FAM117B: variants seen among roughly 807,000 people sequenced by gnomAD.
FAM117B encodes protein FAM117B.
A neutral mutation model predicts 52.8 loss-of-function variants in FAM117B; 22 were observed. The observed-to-expected ratio is 0.42, with a 90% CI of 0.30 to 0.59. FAM117B has a LOEUF of 0.59. Among genes scored for constraint, FAM117B ranks in the 20% least tolerant of loss-of-function variants. The pLI, the probability that FAM117B is intolerant of heterozygous loss-of-function variation, is 0.22. For missense variants in FAM117B, 678 were observed against 802.6 expected (o/e 0.84, Z 1.88); for synonymous variants, 309 against 324.1 (o/e 0.95, Z 0.50).
intron 4 of FAM117B, among the ~76,000 whole-genome samples, chr2:202,727,657 C>T (rs990692951): frequency 7.2e-5 from 11 of 152,050 alleles, no homozygotes; most frequent in African/African-American, 2.4e-4. Flanking sequence ...TCATAATGCA[C>T]TTACCATGCC....
chr2:202,647,432 AT>A (rs1473559879), intron 1 of FAM117B, among the ~76,000 whole-genome samples: 1 of 152,194 alleles, frequency 6.6e-6, no homozygotes, highest in African/African-American at 2.4e-5. Flanking sequence ...ACGTGTATAT[AT>A]ATTTTTTTCT....
chr2:202,638,360 C>G (rs1001759493), intron 1 of FAM117B, among the ~76,000 whole-genome samples: 4 of 152,174 alleles, frequency 2.6e-5, no homozygotes, highest in Non-Finnish European at 5.9e-5. Context: ...CTGTTTGACA[C>G]TCAGAGAAAC....
At chr2:202,696,113 G>A (rs2105776773) in intron 2 of FAM117B, 81 bp downstream of exon 2, 2 of 1,433,910 alleles carry the variant, frequency 1.4e-6, no homozygotes, top group Middle Eastern at 3.8e-4. Context: ...GCTTTGAGTA[G>A]AACAAACATT....
intron 1 of FAM117B, among the ~76,000 whole-genome samples, chr2:202,684,864 C>T (rs1690515501): frequency 6.6e-6 from 1 of 152,080 alleles, no homozygotes; most frequent in Non-Finnish European, 1.5e-5. Context: ...TCAGTATTTG[C>T]TAATTTATTG....
rs539187347 is a variant in FAM117B at position 202,640,295 on chromosome 2, AATATATATATATATATATATAT to A, written c.601+4534_601+4555del. Among the ~76,000 whole-genome samples, 345 of 51,320 alleles carry A rather than the reference AATATATATATATATATATATAT, an allele frequency of 6.7e-3. 8 individuals are homozygous for A. The highest frequency in any genetic ancestry group is 0.017 in the South Asian group (25 of 1,454). 33.7% of individuals were successfully genotyped at this position (51,320 alleles called of 152,430 possible). A position where few individuals can be genotyped will look rare whatever the true frequency, so the allele number is the denominator to read the frequency against. ...ACAACAACCACCACCACCACCACAAAATATATATATATATATATATATATATATATATATATATATATATATA... is the reference window on the plus strand; with the variant it reads ...ACAACAACCACCACCACCACCACAAAATATATATATATATATATATATATA... On this transcript the variant is annotated intron_variant, in intron 1 of 7. Transcript: ENST00000392238.
intron 2 of FAM117B, among the ~76,000 whole-genome samples, chr2:202,714,533 CTTTTTTT>C (rs1034689626): frequency 8.5e-6 from 1 of 117,658 alleles, no homozygotes; most frequent in African/African-American, 3.4e-5. Flanking sequence ...TTTTTTTTTT[CTTTTTTT>C]TTTTTTTTTT....
chr2:202,665,880 C>T lies in FAM117B; in HGVS notation c.602-30001C>T, dbSNP rs557031810. Among the ~76,000 whole-genome samples, 3 of 152,238 alleles carry T rather than the reference C, an allele frequency of 2.0e-5. No individual in the cohort carries two copies. The South Asian group carries it at 6.2e-4, about 32-fold the overall frequency. On this transcript the variant is annotated intron_variant, in intron 1 of 7. Coordinates refer to ENST00000392238, the MANE Select transcript of FAM117B (RefSeq NM_173511.4). ...CCTCCCAAAGTGCTGGGATTACAGG[C>T]GTGAGCCATGGAAACTGGCAGGACA...
rs757843381 is a variant in FAM117B at position 202,694,188 on chromosome 2, C to CTTTTTTTTTTT, written c.602-1682_602-1672dup. On this transcript the variant is annotated intron_variant, in intron 1 of 7. Coordinates refer to ENST00000392238, the MANE Select transcript of FAM117B (RefSeq NM_173511.4). The stretch of plus-strand genomic sequence containing the variant: ...GAAGATGTTATTGCAAAACCCACTT[C>CTTTTTTTTTTT]TTTTTTTTTTTTTTTTTTTTTGAGA... 1.4e-3 allele frequency among the ~76,000 whole-genome samples: 140 copies of CTTTTTTTTTTT among 99,054 alleles called. 7 individuals are homozygous for CTTTTTTTTTTT. Among genetic ancestry groups the CTTTTTTTTTTT allele is most frequent in the African/African-American group, 5.7e-3 (130 of 22,858 alleles). The allele number at this position is 99,054 out of a possible 152,430, so 65.0% of individuals were successfully genotyped here.
chr2:202,769,577 ACT>A lies in FAM117B; in HGVS notation c.*3816_*3817del, dbSNP rs1437487328. ...TTTTTGTCTCTGTGGAAGCTGTGTAACTCTTTTTAAAATGCAATTTAAAACAT... is the reference window on the plus strand; with the variant it reads ...TTTTTGTCTCTGTGGAAGCTGTGTAACTTTTTAAAATGCAATTTAAAACAT... On this transcript the variant is annotated 3_prime_UTR_variant, in exon 8 of 8. Transcript: ENST00000392238. The A allele has an allele frequency of 6.6e-6, 1 of 152,314 alleles. No individual in the cohort carries two copies. Among genetic ancestry groups the A allele is most frequent in the African/African-American group, 2.4e-5 (1 of 41,324 alleles). The allele number at this position is 152,314 out of a possible 1,614,324, so 9.4% of individuals were successfully genotyped here. A position where few individuals can be genotyped will look rare whatever the true frequency, so the allele number is the denominator to read the frequency against.
At chr2:202,662,306 G>T (rs1683286927) in intron 1 of FAM117B, among the ~76,000 whole-genome samples, 1 of 152,132 alleles carries the variant, frequency 6.6e-6, no homozygotes, top group Non-Finnish European at 1.5e-5. Context: ...AACACCACAT[G>T]ATCTCACTCA....
chr2:202,665,598 C>A (rs1004072918), intron 1 of FAM117B, among the ~76,000 whole-genome samples: 3 of 151,846 alleles, frequency 2.0e-5, no homozygotes, highest in Admixed American at 2.0e-4. Context: ...GACAGGAAAT[C>A]CTCTTTTTGT....
Position 202,769,344 on chromosome 2 carries a change from T to C in FAM117B, c.*3580T>C, listed in dbSNP as rs1692036460. The C allele has an allele frequency of 6.6e-6, 1 of 152,666 alleles. No homozygotes were observed. The highest frequency in any genetic ancestry group is 2.4e-5 in the African/African-American group (1 of 41,470). The allele number at this position is 152,666 out of a possible 1,614,324, so 9.5% of individuals were successfully genotyped here. A position where few individuals can be genotyped will look rare whatever the true frequency, so the allele number is the denominator to read the frequency against. ...CACTACTGCATTTACTTTACTATTGTAAACTTAAGATTCATTCCTTAGTCT... is the reference window on the plus strand; with the variant it reads ...CACTACTGCATTTACTTTACTATTGCAAACTTAAGATTCATTCCTTAGTCT... On this transcript the variant is annotated 3_prime_UTR_variant, in exon 8 of 8. Transcript: ENST00000392238.
rs1248581026 is a variant in FAM117B, at chr2:202,757,310, A to G, written c.1202A>G (p.Asp401Gly). 30 of 1,614,064 alleles carry G rather than the reference A, an allele frequency of 1.9e-5. No homozygotes were observed. Among genetic ancestry groups the G allele is most frequent in the Non-Finnish European group, 4.2e-6 (5 of 1,180,052 alleles). Residue 401 changes from aspartate (D) to glycine (G), a missense_variant, in exon 6 of 8, where the codon GAC (aspartate) becomes GGC (glycine). By Grantham distance (94) the Asp-to-Gly change is moderately conservative. Coordinates refer to ENST00000392238, the MANE Select transcript of FAM117B (RefSeq NM_173511.4). ...GACACACAGACGCCTGGTGGGGCAG[A>G]CAGGGGAAGCAACAACAGCAGCCGT... ...SIDTQTPGGA[D>G]RGSNNSSRSQ...
At chr2:202,758,819 G>A (rs1691840702) in intron 6 of FAM117B, among the ~76,000 whole-genome samples, 1 of 152,190 alleles carries the variant, frequency 6.6e-6, no homozygotes, top group African/African-American at 2.4e-5. Context: ...CTCACTACCT[G>A]GAGCAAAGAT....
chr2:202,684,071 T>C (rs1050101626), intron 1 of FAM117B, among the ~76,000 whole-genome samples: 1 of 152,188 alleles, frequency 6.6e-6, no homozygotes, highest in Non-Finnish European at 1.5e-5. Context: ...TTTGCCATGT[T>C]GCTCTGGCTG....
intron 1 of FAM117B, among the ~76,000 whole-genome samples, chr2:202,657,633 C>T (rs147552091): frequency 3.9e-5 from 6 of 152,016 alleles, no homozygotes; most frequent in Non-Finnish European, 7.4e-5. Context: ...AGACTATAGG[C>T]GCATGCCACC....
At chr2:202,649,532 T>C (rs1405994934) in intron 1 of FAM117B, among the ~76,000 whole-genome samples, 1 of 148,648 alleles carries the variant, frequency 6.7e-6, no homozygotes, top group Non-Finnish European at 1.5e-5. Context: ...TTTGTAATGC[T>C]TTGTTATTTA....
intron 4 of FAM117B, among the ~76,000 whole-genome samples, chr2:202,743,864 T>C (rs559459960): frequency 3.9e-5 from 6 of 152,176 alleles, no homozygotes; most frequent in Non-Finnish European, 8.8e-5. Flanking sequence ...TGACAAAGCC[T>C]CTGTGACATA....
intron 1 of FAM117B, among the ~76,000 whole-genome samples, chr2:202,655,090 C>T (rs1312621847): frequency 6.6e-6 from 1 of 151,468 alleles, no homozygotes; most frequent in Admixed American, 6.6e-5. Context: ...TTATTTGGTT[C>T]CTATAGTTTT....
Sources: gnomAD v4.1 joint callset for allele counts (sites outside exome capture counted in the v4.1 genomes callset) on GRCh38, gnomAD v4.1.1 for gene constraint, MANE v1.5 for transcripts, NCBI Gene and HGNC (gene_info 2026-07-23, HGNC 2026-07-21) for gene names.